MARCHF1: variants seen among roughly 807,000 people sequenced by gnomAD.
The protein encoded by MARCHF1 is E3 ubiquitin-protein ligase MARCHF1.
In MARCHF1, 40 loss-of-function variants were observed where a neutral mutation model predicts 54.2. That is an observed-to-expected ratio of 0.74 (90% CI 0.57 to 0.96). The LOEUF (loss-of-function observed/expected upper bound fraction) is 0.96. Among genes scored for constraint, MARCHF1 ranks in the 40% least tolerant of loss-of-function variants. The probability of loss-of-function intolerance (pLI) is 0.00; values close to 1 mark genes in which losing one functional copy is unlikely to be tolerated. For synonymous variants in MARCHF1, 236 were observed against 236.3 expected, an observed-to-expected ratio of 1.00 and a Z score of 0.01; for missense variants, 586 against 656.5, an observed-to-expected ratio of 0.89 and a Z score of 1.17.
chr4:163,731,738 G>A (rs1745837034), intron 4 of MARCHF1, among the ~76,000 whole-genome samples: 1 of 152,194 alleles, frequency 6.6e-6, no homozygotes. Flanking sequence ...TAGACACATT[G>A]TCTAGATATC....
At chr4:164,351,023 T>C (rs527840448) in intron 1 of MARCHF1, among the ~76,000 whole-genome samples, 2 of 151,938 alleles carry the variant, frequency 1.3e-5, no homozygotes, top group African/African-American at 4.8e-5. Context: ...GAAAATCGGG[T>C]TACTCCCACC....
chr4:163,535,011 CAAATA>C, intron 9 of MARCHF1, among the ~76,000 whole-genome samples: 1 of 151,984 alleles, frequency 6.6e-6, no homozygotes, highest in East Asian at 1.9e-4. Flanking sequence ...AACTTATAGA[CAAATA>C]TAATACTTTA....
At chr4:164,209,924 T>C (rs538815632) in intron 1 of MARCHF1, among the ~76,000 whole-genome samples, 3 of 152,268 alleles carry the variant, frequency 2.0e-5, no homozygotes, top group Admixed American at 2.0e-4. Flanking sequence ...AAAATTTTAA[T>C]GCAGTGAAAA....
chr4:163,999,547 C>T (rs1352140124), intron 2 of MARCHF1, among the ~76,000 whole-genome samples: 1 of 150,998 alleles, frequency 6.6e-6, no homozygotes, highest in Admixed American at 6.6e-5. Context: ...TCAAACAGCA[C>T]TTTTCAAAAA....
At chr4:164,211,323 G>GTATA (rs1731763928) in intron 1 of MARCHF1, among the ~76,000 whole-genome samples, 1 of 69,344 alleles carries the variant, frequency 1.4e-5, no homozygotes, top group African/African-American at 5.5e-5. Context: ...ATATGTGTAT[G>GTATA]TATGTATGTA....
intron 8 of MARCHF1, among the ~76,000 whole-genome samples, chr4:163,579,082 C>A (rs372940377): frequency 4.6e-5 from 7 of 152,124 alleles, no homozygotes; most frequent in African/African-American, 1.7e-4. Flanking sequence ...AGGTGAATTT[C>A]TTTGACATTT....
At chr4:163,762,219 C>A (rs1392880623) in intron 4 of MARCHF1, among the ~76,000 whole-genome samples, 1 of 152,078 alleles carries the variant, frequency 6.6e-6, no homozygotes, top group Non-Finnish European at 1.5e-5. Context: ...TCAATTTATT[C>A]ATTATTTTAT....
intron 1 of MARCHF1, among the ~76,000 whole-genome samples, chr4:164,158,930 A>G (rs1166248085): frequency 1.3e-5 from 2 of 152,152 alleles, no homozygotes; most frequent in Admixed American, 6.5e-5. Context: ...CTGCACCACA[A>G]TAATAGTCAC....
intron 4 of MARCHF1, among the ~76,000 whole-genome samples, chr4:163,758,218 C>A (rs1353279745): frequency 1.3e-5 from 2 of 152,144 alleles, no homozygotes; most frequent in African/African-American, 2.4e-5. Flanking sequence ...AGGCAGAAGG[C>A]CCCAGCTGGG....
At chr4:164,123,788 A>G (rs1012361434) in intron 1 of MARCHF1, among the ~76,000 whole-genome samples, 1 of 152,050 alleles carries the variant, frequency 6.6e-6, no homozygotes, top group Non-Finnish European at 1.5e-5. Context: ...TGCCATATAT[A>G]AAAATCAAAT....
intron 1 of MARCHF1, among the ~76,000 whole-genome samples, chr4:164,312,252 T>C (rs1390550458): frequency 6.6e-6 from 1 of 151,988 alleles, no homozygotes; most frequent in Non-Finnish European, 1.5e-5. Flanking sequence ...TTGCTAGAAT[T>C]GCACGTAAAG....
chr4:163,975,164 GCTCTCTCTCTCTCTCT>G lies in MARCHF1; in HGVS notation c.-39+13321_-39+13336del, dbSNP rs55675178. Among the ~76,000 whole-genome samples the G allele has an allele frequency of 5.3e-3, 678 of 127,176 alleles. 7 individuals are homozygous for G. Among genetic ancestry groups the G allele is most frequent in the African/African-American group, 0.018 (608 of 34,286 alleles). 83.4% of individuals were successfully genotyped at this position (127,176 alleles called of 152,430 possible). ...ACATAAGCCAATTTCTCATAATAAA[GCTCTCTCTCTCTCTCT>G]CTCTCTCTCTCTCTCTCACACACAC... On this transcript the variant is annotated intron_variant, in intron 3 of 9. Coordinates refer to ENST00000514618, the MANE Select transcript of MARCHF1 (RefSeq NM_001394959.1).
intron 1 of MARCHF1, among the ~76,000 whole-genome samples, chr4:164,259,566 GAAA>G (rs1560977880): frequency 3.4e-4 from 35 of 103,078 alleles, no homozygotes; most frequent in African/African-American, 1.3e-3. Context: ...AAAAAAAAAA[GAAA>G]AAAGAAAAAG....
chr4:163,630,158 A>G (rs986251770), intron 5 of MARCHF1, among the ~76,000 whole-genome samples: 1 of 152,236 alleles, frequency 6.6e-6, no homozygotes, highest in Non-Finnish European at 1.5e-5. Flanking sequence ...ATGGCAGTTT[A>G]TTTACAATAG....
intron 1 of MARCHF1, among the ~76,000 whole-genome samples, chr4:164,115,196 C>G (rs1178300375): frequency 1.3e-5 from 2 of 151,880 alleles, no homozygotes; most frequent in Non-Finnish European, 1.5e-5. Context: ...TCAATTTCTT[C>G]AGGGATAAAA....
At chr4:164,262,982 T>G (rs377046948) in intron 1 of MARCHF1, among the ~76,000 whole-genome samples, 1 of 152,192 alleles carries the variant, frequency 6.6e-6, no homozygotes, top group African/African-American at 2.4e-5. Flanking sequence ...TTCCCCTTCC[T>G]AGTGTAATAA....
intron 4 of MARCHF1, among the ~76,000 whole-genome samples, chr4:163,755,131 T>C (rs1746629593): frequency 1.3e-5 from 2 of 152,164 alleles, no homozygotes; most frequent in South Asian, 4.1e-4. Context: ...GTATCTACAA[T>C]GCAAAGATAG....
In MARCHF1 at chr4:164,148,525, T is replaced by C. The variant is rs1444074791; in HGVS notation, c.-322-36863A>G. On this transcript the variant is annotated intron_variant, in intron 1 of 9. Transcript: ENST00000514618. ...TTCATACTTTGCTTTCCCTATGTTTTCAGTCTGTAAAAATCTTTAGGTGAG... is the reference window on the plus strand; with the variant it reads ...TTCATACTTTGCTTTCCCTATGTTTCCAGTCTGTAAAAATCTTTAGGTGAG... Among the ~76,000 whole-genome samples, 4 of 152,298 alleles carry C rather than the reference T, an allele frequency of 2.6e-5. No individual in the cohort carries two copies. In the East Asian group the frequency reaches 7.7e-4, roughly 29 times the overall value.
chr4:164,191,046 A>C (rs1731110529), intron 1 of MARCHF1, among the ~76,000 whole-genome samples: 1 of 152,182 alleles, frequency 6.6e-6, no homozygotes, highest in Admixed American at 6.5e-5. Flanking sequence ...AGATCCACAG[A>C]ATTGTGCAAA....
Sources: gnomAD v4.1 joint callset for allele counts (sites outside exome capture counted in the v4.1 genomes callset) on GRCh38, gnomAD v4.1.1 for gene constraint, MANE v1.5 for transcripts, NCBI Gene and HGNC (gene_info 2026-07-23, HGNC 2026-07-21) for gene names.